Variants in UBE2E2 observed in about 807,000 individuals in gnomAD.
UBE2E2 encodes the protein ubiquitin-conjugating enzyme E2 E2.
Under a neutral mutation model 24.7 loss-of-function variants are expected in UBE2E2, and 6 were observed. The ratio of observed to expected loss-of-function variants is 0.24; its 90% CI spans 0.13 to 0.48. The LOEUF (loss-of-function observed/expected upper bound fraction) is 0.48. Among genes scored for constraint, UBE2E2 ranks in the 20% least tolerant of loss-of-function variants. The pLI is 0.99. For missense variants in UBE2E2, 169 were observed against 245.0 expected (o/e 0.69, Z 2.07); for synonymous variants, 104 against 83.6 (o/e 1.24, Z -1.33).
intron 3 of UBE2E2, among the ~76,000 whole-genome samples, chr3:23,335,508 G>A (rs1695180483): frequency 6.6e-6 from 1 of 152,156 alleles, no homozygotes; most frequent in African/African-American, 2.4e-5. Context: ...ATTTTATGCA[G>A]TGTAATTACT....
chr3:23,419,013 G>A (rs1244334315), intron 3 of UBE2E2, among the ~76,000 whole-genome samples: 2 of 151,368 alleles, frequency 1.3e-5, no homozygotes, highest in African/African-American at 4.9e-5. Context: ...GACTGCTGTG[G>A]CATGATCATG....
At chr3:23,270,648 T>C (rs889956398) in intron 3 of UBE2E2, among the ~76,000 whole-genome samples, 2 of 152,170 alleles carry the variant, frequency 1.3e-5, no homozygotes, top group African/African-American at 4.8e-5. Context: ...TCTGAAGCTT[T>C]CAGTCTTTTA....
chr3:23,512,720 A>G (rs1197932945), intron 4 of UBE2E2, among the ~76,000 whole-genome samples: 1 of 152,104 alleles, frequency 6.6e-6, no homozygotes, highest in Non-Finnish European at 1.5e-5. Flanking sequence ...CAAGACGGCC[A>G]GATCACCTGA....
chr3:23,233,078 G>A (rs1167991567), intron 3 of UBE2E2, among the ~76,000 whole-genome samples: 3 of 152,174 alleles, frequency 2.0e-5, no homozygotes, highest in African/African-American at 7.2e-5. Context: ...TAGGTGGCTG[G>A]TTAGTTGGTG....
intron 3 of UBE2E2, among the ~76,000 whole-genome samples, chr3:23,447,476 G>A (rs1024508674): frequency 1.3e-5 from 2 of 152,190 alleles, no homozygotes; most frequent in Non-Finnish European, 1.5e-5. Flanking sequence ...CAAAAAGAAT[G>A]TCAGCAGTTT....
At chr3:23,278,601 GTATAA>G (rs1200380770) in intron 3 of UBE2E2, among the ~76,000 whole-genome samples, 1 of 152,094 alleles carries the variant, frequency 6.6e-6, no homozygotes, top group Non-Finnish European at 1.5e-5. Context: ...TTATTTTAAT[GTATAA>G]TATATCTGGG....
At chr3:23,405,757 T>A (rs1322213903) in intron 3 of UBE2E2, among the ~76,000 whole-genome samples, 1 of 152,222 alleles carries the variant, frequency 6.6e-6, no homozygotes, top group African/African-American at 2.4e-5. Context: ...AGTTTTAACC[T>A]TTATTTATGG....
intron 3 of UBE2E2, among the ~76,000 whole-genome samples, chr3:23,462,910 G>A (rs1698837667): frequency 6.6e-6 from 1 of 152,018 alleles, no homozygotes; most frequent in Non-Finnish European, 1.5e-5. Context: ...TGTAAAATTC[G>A]AATGGTTTGT....
intron 5 of UBE2E2, among the ~76,000 whole-genome samples, chr3:23,542,054 T>G (rs141506923): frequency 1.3e-5 from 2 of 152,322 alleles, no homozygotes; most frequent in East Asian, 3.9e-4. Flanking sequence ...ATGCCAGCAT[T>G]ATATTTTTAT....
At chr3:23,235,566 G>A (rs1391982903) in intron 3 of UBE2E2, among the ~76,000 whole-genome samples, 1 of 152,072 alleles carries the variant, frequency 6.6e-6, no homozygotes, top group East Asian at 1.9e-4. Context: ...GATTGGAGGT[G>A]GGTAAAAGAG....
At chr3:23,546,895 T>C (rs1247554334) in intron 5 of UBE2E2, among the ~76,000 whole-genome samples, 1 of 152,202 alleles carries the variant, frequency 6.6e-6, no homozygotes, top group Non-Finnish European at 1.5e-5. Flanking sequence ...AAATAACTTT[T>C]CTCTAATGAC....
chr3:23,464,260 T>C (rs1471498032), intron 3 of UBE2E2, among the ~76,000 whole-genome samples: 2 of 152,158 alleles, frequency 1.3e-5, no homozygotes, highest in African/African-American at 2.4e-5. Context: ...ACTAGTTTTA[T>C]CTAAGGAGAC....
rs544972044 is a variant in UBE2E2, at chr3:23,223,542, T to C, written c.227+6230T>C. 1.5e-4 allele frequency among the ~76,000 whole-genome samples: 23 copies of C among 152,288 alleles called. 1 individual carries two copies. Among genetic ancestry groups the C allele is most frequent in the African/African-American group, 5.5e-4 (23 of 41,558 alleles). On this transcript the variant is annotated intron_variant, in intron 3 of 5. Transcript: ENST00000396703. ...TATATATATTTGCTGTCAAGTTGTT[T>C]GAACTCTTTACATATTCTGGTTACT...
chr3:23,322,439 T>C (rs575820048), intron 3 of UBE2E2, among the ~76,000 whole-genome samples: 1 of 152,304 alleles, frequency 6.6e-6, no homozygotes, highest in African/African-American at 2.4e-5. Context: ...TCTAACATAC[T>C]GTTTTTTGGA....
At chr3:23,504,548 G>A (rs146160515) in intron 4 of UBE2E2, among the ~76,000 whole-genome samples, 62 of 150,390 alleles carry the variant, frequency 4.1e-4, no homozygotes, top group East Asian at 1.6e-3. Flanking sequence ...AGTTTACATC[G>A]TGACCATCAA....
At chr3:23,350,930 A>G (rs1695728970) in intron 3 of UBE2E2, among the ~76,000 whole-genome samples, 2 of 152,194 alleles carry the variant, frequency 1.3e-5, no homozygotes, top group Non-Finnish European at 2.9e-5. Context: ...AAGACACATA[A>G]TTGTCAGATT....
intron 4 of UBE2E2, among the ~76,000 whole-genome samples, chr3:23,520,087 T>A (rs117357686): frequency 0.029 from 4,384 of 152,080 alleles, 107 homozygotes; most frequent in East Asian, 0.13. Context: ...GGAATTTACA[T>A]AATTTTCTTT....
At chr3:23,255,630 T>C (rs900171109) in intron 3 of UBE2E2, among the ~76,000 whole-genome samples, 3 of 152,176 alleles carry the variant, frequency 2.0e-5, no homozygotes, top group African/African-American at 7.2e-5. Flanking sequence ...AGGTGGGAAG[T>C]GATCAGTCTA....
At chr3:23,243,550 T>A (rs1017235869) in intron 3 of UBE2E2, among the ~76,000 whole-genome samples, 1 of 152,210 alleles carries the variant, frequency 6.6e-6, no homozygotes, top group African/African-American at 2.4e-5. Flanking sequence ...TCGTTTTAGA[T>A]TAATGGCTTT....
Sources: allele counts gnomAD v4.1 joint callset (sites outside exome capture counted in the v4.1 genomes callset), GRCh38; gene constraint gnomAD v4.1.1; transcripts MANE v1.5; gene names NCBI Gene and HGNC (gene_info 2026-07-23, HGNC 2026-07-21).